Variants in GALNT9 observed in about 807,000 individuals in gnomAD.
The protein encoded by GALNT9 is GalNAc transferase 9.
A neutral mutation model predicts 63.1 loss-of-function variants in GALNT9; 47 were observed. The ratio of observed to expected loss-of-function variants is 0.75; its 90% CI spans 0.59 to 0.95. The LOEUF (loss-of-function observed/expected upper bound fraction) is 0.95, where lower values mean the gene tolerates loss of function less well. GALNT9 is among the 40% of genes least tolerant of loss of function. GALNT9 has a pLI of 0.00. For missense variants in GALNT9, 829 were observed against 874.8 expected (o/e 0.95, Z 0.66); for synonymous variants, 396 against 365.7 (o/e 1.08, Z -0.94).
Position 132,305,138 on chromosome 12 carries a change from C to T in GALNT9, c.239-18708G>A, listed in dbSNP as rs1239376254. Among the ~76,000 whole-genome samples the T allele has an allele frequency of 6.8e-5, 5 of 73,636 alleles. 1 individual carries two copies. Among genetic ancestry groups the T allele is most frequent in the African/African-American group, 2.1e-4 (3 of 14,134 alleles). 48.3% of individuals were successfully genotyped at this position (73,636 alleles called of 152,430 possible). ...ACACGCCCTCACCCGGGCACAGCCT[C>T]GCCCGGGCACACCCTCGCCTGGGCA... On this transcript the variant is annotated intron_variant, in intron 1 of 10. Transcript: ENST00000328957.
chr12:132,322,565 T>A (rs1188285267), intron 1 of GALNT9, among the ~76,000 whole-genome samples: 1 of 152,188 alleles, frequency 6.6e-6, no homozygotes, highest in African/African-American at 2.4e-5. Context: ...GCACAGGGAA[T>A]GGGGGCGTCT....
intron 6 of GALNT9, among the ~76,000 whole-genome samples, chr12:132,240,896 C>T (rs2136900009): frequency 2.7e-5 from 4 of 147,660 alleles, no homozygotes; most frequent in Non-Finnish European, 6.0e-5. Flanking sequence ...ACACACACCA[C>T]ACACCCTTCC....
intron 6 of GALNT9, among the ~76,000 whole-genome samples, chr12:132,240,997 C>T (rs1404028296): frequency 1.7e-5 from 2 of 116,334 alleles, no homozygotes; most frequent in Admixed American, 8.8e-5. Context: ...ACCCCCTTCC[C>T]GGGGCCCTCC....
chr12:132,298,690 C>T (rs1300879164), intron 1 of GALNT9, among the ~76,000 whole-genome samples: 2 of 151,716 alleles, frequency 1.3e-5, no homozygotes, highest in African/African-American at 2.4e-5. Flanking sequence ...CCTAACCCAC[C>T]CCTGAGATAA....
chr12:132,257,368 C>T (rs892220001), intron 5 of GALNT9, among the ~76,000 whole-genome samples: 14 of 151,982 alleles, frequency 9.2e-5, no homozygotes, highest in East Asian at 2.0e-4. Flanking sequence ...GCACCCGGCC[C>T]GACACTCACC....
Position 132,286,339 on chromosome 12 carries a change from C to T in GALNT9, c.330G>A (p.Ala110=), listed in dbSNP as rs782048486. The part of the protein sequence containing the change: ...AATLRDDGQE[A]EGKYEEYGYN... ...AGCCGTACTCCTCATACTTGCCTTCCGCCTCCTGGCCGTCATCACGCAGGG... is the reference window on the plus strand; with the variant it reads ...AGCCGTACTCCTCATACTTGCCTTCTGCCTCCTGGCCGTCATCACGCAGGG... Residue 110 remains alanine (A), a synonymous_variant, in exon 2 of 11, where the codon GCG becomes GCA. Coordinates refer to ENST00000328957, the MANE Select transcript of GALNT9 (RefSeq NM_001122636.2). This position sits in a 1 kb window ranked among gnomAD's most constrained non-coding sequence, Gnocchi z 7.4. The T allele has an allele frequency of 1.8e-4, 273 of 1,551,016 alleles. No individual in the cohort carries two copies. Among genetic ancestry groups the T allele is most frequent in the East Asian group, 9.5e-4 (39 of 40,922 alleles).
intron 6 of GALNT9, among the ~76,000 whole-genome samples, chr12:132,204,908 GGGCGGGCAC>G (rs1876552284): frequency 6.6e-6 from 1 of 152,110 alleles, no homozygotes; most frequent in African/African-American, 2.4e-5. Context: ...GCCAGGCCCA[GGGCGGGCAC>G]TGTGCTTGCC....
At chr12:132,227,452 G>A (rs1364629550) in intron 6 of GALNT9, among the ~76,000 whole-genome samples, 2 of 152,190 alleles carry the variant, frequency 1.3e-5, no homozygotes, top group South Asian at 2.1e-4. Context: ...CCAGGCACAC[G>A]CACGCACCAC....
chr12:132,257,588 G>A (rs1346356453), intron 5 of GALNT9, 101 bp downstream of exon 5: 25 of 825,706 alleles, frequency 3.0e-5, no homozygotes, highest in African/African-American at 9.1e-5. Flanking sequence ...CCCAGCCCTC[G>A]TCCCCGGCCC....
At chr12:132,293,026 C>T (rs1334211968) in intron 1 of GALNT9, among the ~76,000 whole-genome samples, 2 of 152,192 alleles carry the variant, frequency 1.3e-5, no homozygotes, top group African/African-American at 2.4e-5. Flanking sequence ...GGGGTTTCAG[C>T]TCTGTTCACC....
At chr12:132,216,813 G>C (rs1258036830) in intron 6 of GALNT9, among the ~76,000 whole-genome samples, 1 of 152,242 alleles carries the variant, frequency 6.6e-6, no homozygotes, top group Non-Finnish European at 1.5e-5. Flanking sequence ...TTGGCTCCCA[G>C]GCAGCCTGTG....
chr12:132,303,774 C>G (rs372434846), intron 1 of GALNT9, among the ~76,000 whole-genome samples: 4 of 36,366 alleles, frequency 1.1e-4, no homozygotes, highest in African/African-American at 1.3e-4. Context: ...CCGGGGCACA[C>G]CCTCACCCGG....
intron 2 of GALNT9, among the ~76,000 whole-genome samples, chr12:132,268,010 G>A (rs1879709875): frequency 7.0e-6 from 1 of 142,350 alleles, no homozygotes; most frequent in Non-Finnish European, 1.5e-5. Flanking sequence ...CACACAGGCA[G>A]ATACACACGA....
chr12:132,236,533 C>T lies in GALNT9; in HGVS notation c.1077+11377G>A, dbSNP rs147229082. Among the ~76,000 whole-genome samples the T allele has an allele frequency of 3.9e-5, 6 of 152,278 alleles. No individual in the cohort carries two copies. Among genetic ancestry groups the T allele is most frequent in the Non-Finnish European group, 7.4e-5 (5 of 68,006 alleles). ...GCGTCTCTCCCTCCCCCAGCCCTTT[C>T]CCCTTCCTTCCTTCCCACCTTCTTT... On this transcript the variant is annotated intron_variant, in intron 6 of 10. Transcript: ENST00000328957. This position sits in a 1 kb window ranked among gnomAD's most constrained non-coding sequence, Gnocchi z 5.6.
At position 132,216,043 on chromosome 12, in the gene GALNT9, C is replaced by T. The variant is rs148836821; in HGVS notation, c.1078-12353G>A. 1.2e-4 allele frequency among the ~76,000 whole-genome samples: 18 copies of T among 152,068 alleles called. No homozygotes were observed. In the East Asian group the frequency reaches 3.5e-3, roughly 29 times the overall value. ...GCACACACAGGGGCTTGTCCATGCC[C>T]ATCTAATGATAGACAGAGACATAGA... On this transcript the variant is annotated intron_variant, in intron 6 of 10. Coordinates refer to ENST00000328957, the MANE Select transcript of GALNT9 (RefSeq NM_001122636.2).
intron 6 of GALNT9, among the ~76,000 whole-genome samples, chr12:132,231,045 G>T (rs1877874424): frequency 7.1e-6 from 1 of 140,000 alleles, no homozygotes. Flanking sequence ...GGCGACAGAG[G>T]AGACAGCGTG....
intron 6 of GALNT9, among the ~76,000 whole-genome samples, chr12:132,207,022 G>A (rs1876738085): frequency 6.6e-6 from 1 of 152,180 alleles, no homozygotes; most frequent in Non-Finnish European, 1.5e-5. Flanking sequence ...CCAAGATCAC[G>A]TAACGCTCTC....
At chr12:132,254,025 CT>C (rs1348088057) in intron 5 of GALNT9, among the ~76,000 whole-genome samples, 1,765 of 93,288 alleles carry the variant, frequency 0.019, 22 homozygotes, top group African/African-American at 0.051. Flanking sequence ...ACTGTTTTTT[CT>C]TTTTTTTTTT....
Position 132,327,809 on chromosome 12 carries a change from C to G in GALNT9, c.238+1157G>C, listed in dbSNP as rs1869101805. Among the ~76,000 whole-genome samples, 9 of 151,520 alleles carry G rather than the reference C, an allele frequency of 5.9e-5. No homozygotes were observed. The highest frequency in any genetic ancestry group is 2.2e-4 in the African/African-American group (9 of 41,284). Reference sequence around the variant, plus strand: ...AACCCCTCCTCATGGGGATTCACCTCCCCCTCCCACCCCACGGCCTGTCTG... The same window carrying G: ...AACCCCTCCTCATGGGGATTCACCTGCCCCTCCCACCCCACGGCCTGTCTG... On this transcript the variant is annotated intron_variant, in intron 1 of 10. Coordinates refer to ENST00000328957, the MANE Select transcript of GALNT9 (RefSeq NM_001122636.2). This position sits in a 1 kb window ranked among gnomAD's most constrained non-coding sequence, Gnocchi z 4.3.
Sources: allele counts gnomAD v4.1 joint callset (sites outside exome capture counted in the v4.1 genomes callset), GRCh38; gene constraint gnomAD v4.1.1; non-coding constraint Gnocchi (gnomAD v3.1); transcripts MANE v1.5; gene names NCBI Gene and HGNC (gene_info 2026-07-23, HGNC 2026-07-21).